Variants in CTNNA2 observed in about 807,000 individuals in gnomAD.
The protein encoded by CTNNA2 is catenin alpha 2, also known as catenin alpha-2.
Under a neutral mutation model 101.0 loss-of-function variants are expected in CTNNA2, and 42 were observed. The ratio of observed to expected loss-of-function variants is 0.42; its 90% CI spans 0.32 to 0.54. CTNNA2 has a LOEUF of 0.54. Ranked by LOEUF, CTNNA2 falls within the 20% of genes least tolerant of loss-of-function variation. The pLI is 0.14. For synonymous variants in CTNNA2, 450 were observed against 456.4 expected (o/e 0.99, Z 0.18); for missense variants, 871 against 1,223.1 (o/e 0.71, Z 4.29).
chr2:79,231,215 G>A (rs1254222239), intron 2 of CTNNA2, among the ~76,000 whole-genome samples: 1 of 152,298 alleles, frequency 6.6e-6, no homozygotes, highest in African/African-American at 2.4e-5. Context: ...AACTTGAATT[G>A]TATCTCCCAA....
chr2:80,361,351 A>G (rs28703659), intron 7 of CTNNA2, among the ~76,000 whole-genome samples: 5,929 of 152,200 alleles, frequency 0.039, 394 homozygotes, highest in African/African-American at 0.13. Flanking sequence ...CCACACCATT[A>G]TATTAGTTTT....
At chr2:79,306,363 C>T (rs1003021274) in intron 2 of CTNNA2, among the ~76,000 whole-genome samples, 1 of 151,968 alleles carries the variant, frequency 6.6e-6, no homozygotes, top group Non-Finnish European at 1.5e-5. Context: ...GTTGTGTTGT[C>T]ACAAAAAATG....
chr2:79,995,872 A>G (rs1383826487), intron 7 of CTNNA2, among the ~76,000 whole-genome samples: 2 of 152,154 alleles, frequency 1.3e-5, no homozygotes, highest in African/African-American at 2.4e-5. Flanking sequence ...GATGTAGCTA[A>G]TGTTTGATTT....
In CTNNA2 at chr2:80,634,919, G is replaced by T. The variant is rs1169270181; in HGVS notation, c.2575-12666G>T. 2.6e-5 allele frequency among the ~76,000 whole-genome samples: 4 copies of T among 152,254 alleles called. No individual in the cohort carries two copies. In the South Asian group the frequency reaches 8.3e-4, roughly 32 times the overall value. On this transcript the variant is annotated intron_variant, in intron 18 of 18. Coordinates refer to ENST00000402739, the MANE Select transcript of CTNNA2 (RefSeq NM_001282597.3). ...CTGAGATGAAGAGGCATGCACGAGG[G>T]TCAGGTTAGGGGCAAGGGTGGAGTT...
At chr2:80,543,358 A>T (rs940666762) in intron 9 of CTNNA2, among the ~76,000 whole-genome samples, 2 of 152,214 alleles carry the variant, frequency 1.3e-5, no homozygotes, top group Non-Finnish European at 2.9e-5. Flanking sequence ...GGTCCTAATG[A>T]GGCATATGTC....
chr2:79,390,703 C>G (rs1162080515), intron 4 of CTNNA2, among the ~76,000 whole-genome samples: 2 of 152,264 alleles, frequency 1.3e-5, no homozygotes, highest in Non-Finnish European at 2.9e-5. Context: ...GGAATGATAC[C>G]TATTTGGTCT....
chr2:80,484,868 A>G (rs182581871), intron 9 of CTNNA2, among the ~76,000 whole-genome samples: 1 of 151,898 alleles, frequency 6.6e-6, no homozygotes, highest in Non-Finnish European at 1.5e-5. Flanking sequence ...TAGCCGGGCA[A>G]GGTGGTGGGC....
At chr2:80,217,960 T>C in intron 7 of CTNNA2, among the ~76,000 whole-genome samples, 1 of 152,220 alleles carries the variant, frequency 6.6e-6, no homozygotes, top group Admixed American at 6.5e-5. Context: ...ATATCACAGG[T>C]TAATAACTCA....
At chr2:80,330,084 ACTT>A (rs1228233390) in intron 7 of CTNNA2, among the ~76,000 whole-genome samples, 10 of 152,062 alleles carry the variant, frequency 6.6e-5, no homozygotes, top group Non-Finnish European at 1.3e-4. Context: ...TAATTGTCAA[ACTT>A]CTTCATTTGT....
At chr2:79,990,611 C>T (rs1692105107) in intron 7 of CTNNA2, among the ~76,000 whole-genome samples, 1 of 152,064 alleles carries the variant, frequency 6.6e-6, no homozygotes, top group Non-Finnish European at 1.5e-5. Context: ...TAGAGCCTGC[C>T]ATAAAATAAA....
chr2:80,088,768 T>C lies in CTNNA2; in HGVS notation c.1056+178971T>C, dbSNP rs1355376060. Among the ~76,000 whole-genome samples, 5 of 151,980 alleles carry C rather than the reference T, an allele frequency of 3.3e-5. No homozygotes were observed. The East Asian group carries it at 9.7e-4, about 30-fold the overall frequency. ...GTGAAGTTGTTCAGCAAAGCAAGAG[T>C]TGTCACTTGGGACACTTTATCTTTA... On this transcript the variant is annotated intron_variant, in intron 7 of 18. Coordinates refer to ENST00000402739, the MANE Select transcript of CTNNA2 (RefSeq NM_001282597.3).
rs1685269436 is a variant in CTNNA2 at position 79,705,121 on chromosome 2, G to A, written c.103-39266G>A. On this transcript the variant is annotated intron_variant, in intron 2 of 18. Transcript: ENST00000402739. The stretch of plus-strand genomic sequence containing the variant: ...CTACTAAACATCCTATCATGCGCTG[G>A]ACGGTTCCACTCCCTGCTCCCCACA... Among the ~76,000 whole-genome samples the A allele has an allele frequency of 2.0e-5, 3 of 152,062 alleles. No homozygotes were observed. In the South Asian group the frequency reaches 6.2e-4, roughly 32 times the overall value.
At chr2:79,562,607 C>T (rs529181861) in intron 1 of CTNNA2, among the ~76,000 whole-genome samples, 3 of 152,040 alleles carry the variant, frequency 2.0e-5, no homozygotes, top group Non-Finnish European at 2.9e-5. Context: ...CCCAGCATTT[C>T]GCATCTACAA....
At chr2:80,594,346 C>CT (rs1696765524) in intron 15 of CTNNA2, among the ~76,000 whole-genome samples, 2 of 151,914 alleles carry the variant, frequency 1.3e-5, no homozygotes, top group South Asian at 4.2e-4. Flanking sequence ...TGTTTGTTTG[C>CT]TTTTTTGTTG....
chr2:80,120,868 T>A (rs1701790978), intron 7 of CTNNA2, among the ~76,000 whole-genome samples: 1 of 152,184 alleles, frequency 6.6e-6, no homozygotes, highest in African/African-American at 2.4e-5. Flanking sequence ...TTTAATTGCC[T>A]TGGAACAGTT....
intron 7 of CTNNA2, among the ~76,000 whole-genome samples, chr2:80,271,515 G>A (rs1233391518): frequency 6.6e-6 from 1 of 150,514 alleles, no homozygotes; most frequent in African/African-American, 2.4e-5. Context: ...TCCACCTCCC[G>A]TGTTCACGCC....
At chr2:80,146,374 A>T (rs1310514948) in intron 7 of CTNNA2, among the ~76,000 whole-genome samples, 1 of 152,158 alleles carries the variant, frequency 6.6e-6, no homozygotes, top group Non-Finnish European at 1.5e-5. Context: ...GACAACAAAG[A>T]CAGTTACTTC....
intron 3 of CTNNA2, among the ~76,000 whole-genome samples, chr2:79,802,758 C>A (rs1373902432): frequency 6.6e-6 from 1 of 152,214 alleles, no homozygotes; most frequent in Non-Finnish European, 1.5e-5. Context: ...GGTAAAATGT[C>A]TCAGTTACAT....
intron 7 of CTNNA2, among the ~76,000 whole-genome samples, chr2:79,984,086 G>T (rs1293110776): frequency 6.6e-6 from 1 of 152,148 alleles, no homozygotes; most frequent in Admixed American, 6.5e-5. Flanking sequence ...ATGAAGACTT[G>T]CTACACAATT....
Sources: gnomAD v4.1 joint callset for allele counts (sites outside exome capture counted in the v4.1 genomes callset) on GRCh38, gnomAD v4.1.1 for gene constraint, MANE v1.5 for transcripts, NCBI Gene and HGNC (gene_info 2026-07-23, HGNC 2026-07-21) for gene names.